ZNF143: variants seen among roughly 807,000 people sequenced by gnomAD.
ZNF143 encodes the protein SPH-binding factor.
In ZNF143, 49 loss-of-function variants were observed where a neutral mutation model predicts 74.1. The observed-to-expected ratio is 0.66, with a 90% confidence interval of 0.53 to 0.84. The LOEUF is 0.84. Ranked by LOEUF, ZNF143 falls within the 40% of genes least tolerant of loss-of-function variation. The pLI is 0.00. For synonymous variants in ZNF143, 304 were observed against 282.8 expected, an observed-to-expected ratio of 1.07 and a Z score of -0.75; for missense variants, 637 against 793.4, an observed-to-expected ratio of 0.80 and a Z score of 2.37.
intron 1 of ZNF143, among the ~76,000 whole-genome samples, chr11:9,467,782 T>TA (rs897109961): frequency 3.5e-5 from 5 of 142,886 alleles, no homozygotes; most frequent in African/African-American, 1.0e-4. Flanking sequence ...AGGTGGAAGT[T>TA]ACAGTGAGCT....
intron 7 of ZNF143, among the ~76,000 whole-genome samples, chr11:9,483,699 A>C (rs559498699): frequency 6.7e-6 from 1 of 149,174 alleles, no homozygotes; most frequent in East Asian, 2.0e-4. Context: ...CTGCCTTGAC[A>C]TTCCAAAGTC....
chr11:9,502,241 C>CTTTTTT (rs1183629630), intron 11 of ZNF143, among the ~76,000 whole-genome samples: 42 of 56,882 alleles, frequency 7.4e-4, no homozygotes, highest in Admixed American at 8.8e-4. Flanking sequence ...TGGCCATATT[C>CTTTTTT]TTTTTTTTTT....
chr11:9,472,791 G>T, intron 3 of ZNF143, 22 bp downstream of exon 3: 4 of 1,519,708 alleles, frequency 2.6e-6, no homozygotes, highest in Non-Finnish European at 3.5e-6. Context: ...ACATATGGCT[G>T]ATTGGTTAAT....
chr11:9,482,458 G>A (rs1565034706), intron 7 of ZNF143, among the ~76,000 whole-genome samples: 1 of 150,468 alleles, frequency 6.6e-6, no homozygotes, highest in Non-Finnish European at 1.5e-5. Flanking sequence ...TTTTAGTACA[G>A]ATGGGGTTTC....
intron 11 of ZNF143, among the ~76,000 whole-genome samples, chr11:9,502,841 T>G (rs1848216007): frequency 6.6e-6 from 1 of 151,684 alleles, no homozygotes; most frequent in Non-Finnish European, 1.5e-5. Flanking sequence ...ATGCAGTATG[T>G]GGGGGGTTTT....
At position 9,478,239 on chromosome 11, in the gene ZNF143, G is replaced by T. The variant is rs546853574; in HGVS notation, c.374-151G>T. ...AATGTACCTGCCTTGCAGAATTATT[G>T]TGAGGATTAAATGAAATAACACATA... On this transcript the variant is annotated intron_variant, in intron 5 of 15. Transcript: ENST00000396602. The T allele has an allele frequency of 7.3e-5, 53 of 729,320 alleles. 3 individuals are homozygous for T. In the South Asian group the frequency reaches 1.0e-3, roughly 14 times the overall value. 45.2% of individuals were successfully genotyped at this position (729,320 alleles called of 1,614,324 possible). A position where few individuals can be genotyped will look rare whatever the true frequency, so the allele number is the denominator to read the frequency against.
chr11:9,483,844 G>T lies in ZNF143; in HGVS notation c.645+4298G>T, dbSNP rs976077734. 2.1e-4 allele frequency among the ~76,000 whole-genome samples: 31 copies of T among 149,922 alleles called. 3 individuals are homozygous for T. The highest frequency in any genetic ancestry group is 7.8e-4 in the African/African-American group (31 of 39,822). The stretch of plus-strand genomic sequence containing the variant: ...AGCTCACTGTGACCTCCGTCTCCTG[G>T]GTTCAGCGGATTCTCCTGCTTCAGC... On this transcript the variant is annotated intron_variant, in intron 7 of 15. Transcript: ENST00000396602.
At chr11:9,471,042 T>C (rs189684798) in intron 1 of ZNF143, 104 of 186,046 alleles carry the variant, frequency 5.6e-4, no homozygotes, top group Non-Finnish European at 7.8e-4. Flanking sequence ...CATATGAAAC[T>C]GATGGGCACA....
At chr11:9,500,064 T>C in intron 10 of ZNF143, among the ~76,000 whole-genome samples, 1 of 152,124 alleles carries the variant, frequency 6.6e-6, no homozygotes, top group Non-Finnish European at 1.5e-5. Context: ...CATCTCACCC[T>C]CCCGAGTAGC....
At chr11:9,488,065 C>T (rs1847630256) in intron 7 of ZNF143, among the ~76,000 whole-genome samples, 1 of 152,076 alleles carries the variant, frequency 6.6e-6, no homozygotes, top group Non-Finnish European at 1.5e-5. Flanking sequence ...TCAGTCTGTT[C>T]CCCGCTATTA....
At position 9,502,227 on chromosome 11, in the gene ZNF143, C is replaced by T. The variant is rs547761028; in HGVS notation, c.1147+957C>T. Among the ~76,000 whole-genome samples, 99 of 139,282 alleles carry T rather than the reference C, an allele frequency of 7.1e-4. 1 individual carries two copies. The highest frequency in any genetic ancestry group is 1.2e-4 in the Non-Finnish European group (8 of 64,892). The allele number at this position is 139,282 out of a possible 152,430, so 91.4% of individuals were successfully genotyped here. The stretch of plus-strand genomic sequence containing the variant: ...CTGGGAATCCAGGTGTGAGCCACCG[C>T]GCCTGGCCATATTCTTTTTTTTTTT... On this transcript the variant is annotated intron_variant, in intron 11 of 15. Coordinates refer to ENST00000396602, the MANE Select transcript of ZNF143 (RefSeq NM_003442.6).
chr11:9,525,770 C>T lies in ZNF143; in HGVS notation c.1833+384C>T, dbSNP rs978994542. Among the ~76,000 whole-genome samples, 3 of 152,150 alleles carry T rather than the reference C, an allele frequency of 2.0e-5. No individual in the cohort carries two copies. The East Asian group carries it at 5.8e-4, about 29-fold the overall frequency. On this transcript the variant is annotated intron_variant, in intron 15 of 15. Transcript: ENST00000396602. ...ATCCTAAATAAGTCCTCTGAGAATC[C>T]TTGCACAGCCCCCATTTTAAAGTGG...
intron 15 of ZNF143, 81 bp downstream of exon 15, chr11:9,525,467 A>G: frequency 1.3e-6 from 2 of 1,572,702 alleles, no homozygotes; most frequent in African/African-American, 2.7e-5. Context: ...CTTCGTGTAT[A>G]ACCTTTACAG....
intron 14 of ZNF143, among the ~76,000 whole-genome samples, chr11:9,519,678 T>C (rs970179958): frequency 3.3e-5 from 5 of 152,220 alleles, no homozygotes; most frequent in Non-Finnish European, 5.9e-5. Flanking sequence ...CTATTATGAA[T>C]AAGATGGCAG....
At chr11:9,483,156 G>C (rs1165728386) in intron 7 of ZNF143, among the ~76,000 whole-genome samples, 1 of 150,418 alleles carries the variant, frequency 6.6e-6, no homozygotes, top group Non-Finnish European at 1.5e-5. Context: ...ACCACACCCA[G>C]CTAATTTTTG....
chr11:9,512,060 C>T (rs1848569698), intron 12 of ZNF143, among the ~76,000 whole-genome samples: 1 of 152,072 alleles, frequency 6.6e-6, no homozygotes, highest in African/African-American at 2.4e-5. Context: ...CTAACAGCCT[C>T]TTAAGTGAAT....
intron 14 of ZNF143, among the ~76,000 whole-genome samples, chr11:9,524,654 G>C (rs1849060352): frequency 6.6e-6 from 1 of 152,008 alleles, no homozygotes; most frequent in African/African-American, 2.4e-5. Context: ...TTGTACTTGT[G>C]GTATAAGAGC....
At chr11:9,521,166 A>G (rs907625785) in intron 14 of ZNF143, among the ~76,000 whole-genome samples, 4 of 152,202 alleles carry the variant, frequency 2.6e-5, no homozygotes, top group Non-Finnish European at 4.4e-5. Context: ...CCCAGAGTCC[A>G]TCATTTACAT....
chr11:9,506,769 G>A (rs1260458382), intron 11 of ZNF143, among the ~76,000 whole-genome samples: 3 of 152,196 alleles, frequency 2.0e-5, no homozygotes, highest in African/African-American at 7.2e-5. Flanking sequence ...ATCCAGTAGA[G>A]TAAAGATTCA....
Sources: allele counts gnomAD v4.1 joint callset (sites outside exome capture counted in the v4.1 genomes callset), GRCh38; gene constraint gnomAD v4.1.1; transcripts MANE v1.5; gene names NCBI Gene and HGNC (gene_info 2026-07-23, HGNC 2026-07-21).